Variants in FOXN3 observed in about 807,000 individuals in gnomAD.
FOXN3 encodes the protein forkhead box N3, also known as forkhead box protein N3.
Under a neutral mutation model 38.4 loss-of-function variants are expected in FOXN3, and 7 were observed. The observed-to-expected ratio is 0.18, with a 90% CI of 0.10 to 0.34. FOXN3 has a LOEUF of 0.34. Among genes scored for constraint, FOXN3 ranks in the 10% least tolerant of loss-of-function variants. FOXN3 has a pLI of 1.00. For synonymous variants in FOXN3, 230 were observed against 242.2 expected, an observed-to-expected ratio of 0.95 and a Z score of 0.47; for missense variants, 456 against 613.4, an observed-to-expected ratio of 0.74 and a Z score of 2.71.
At chr14:89,326,697 T>C (rs911777832) in intron 3 of FOXN3, among the ~76,000 whole-genome samples, 7 of 152,090 alleles carry the variant, frequency 4.6e-5, no homozygotes, top group South Asian at 2.1e-4. Flanking sequence ...ATAGTAAACA[T>C]TGCTGTCAAA....
chr14:89,219,168 G>A (rs779731060), intron 4 of FOXN3, among the ~76,000 whole-genome samples: 2 of 152,104 alleles, frequency 1.3e-5, no homozygotes, highest in Non-Finnish European at 2.9e-5. Context: ...GAGGTGGTGG[G>A]AGGTGACTGG....
At chr14:89,242,255 G>A (rs1310309728) in intron 4 of FOXN3, among the ~76,000 whole-genome samples, 1 of 152,042 alleles carries the variant, frequency 6.6e-6, no homozygotes, top group African/African-American at 2.4e-5. Flanking sequence ...TATTATACAT[G>A]CTTGGCCTTG....
chr14:89,257,863 C>A (rs1277449626), intron 4 of FOXN3, among the ~76,000 whole-genome samples: 1 of 152,156 alleles, frequency 6.6e-6, no homozygotes, highest in Admixed American at 6.5e-5. Flanking sequence ...AACCTCAGAG[C>A]AATGCAAAGC....
intron 1 of FOXN3, among the ~76,000 whole-genome samples, chr14:89,573,023 C>G (rs1167387546): frequency 6.6e-6 from 1 of 152,170 alleles, no homozygotes; most frequent in Admixed American, 6.5e-5. Flanking sequence ...GACCCTAGAG[C>G]AGGGCTGTGG....
intron 1 of FOXN3, among the ~76,000 whole-genome samples, chr14:89,436,289 T>TAA (rs77915176): frequency 2.5e-3 from 337 of 134,826 alleles, no homozygotes; most frequent in African/African-American, 7.1e-3. Context: ...GTTTATTCAT[T>TAA]AAAAAAAAAA....
At chr14:89,245,405 G>A (rs747540990) in intron 4 of FOXN3, among the ~76,000 whole-genome samples, 1 of 151,876 alleles carries the variant, frequency 6.6e-6, no homozygotes, top group Non-Finnish European at 1.5e-5. Context: ...GTTTGAAAAT[G>A]AGAAACATTT....
intron 1 of FOXN3, among the ~76,000 whole-genome samples, chr14:89,470,294 TA>T (rs11461203): frequency 0.64 from 95,154 of 148,088 alleles, 30,876 homozygotes; most frequent in Middle Eastern, 0.77. Flanking sequence ...TCTGACTTTC[TA>T]AAAAAAAAAA....
At chr14:89,530,908 C>T (rs1894548087) in intron 1 of FOXN3, among the ~76,000 whole-genome samples, 1 of 148,068 alleles carries the variant, frequency 6.8e-6, no homozygotes, top group South Asian at 2.1e-4. Context: ...CACGCCCGGC[C>T]TCTATTTTTT....
intron 1 of FOXN3, among the ~76,000 whole-genome samples, chr14:89,615,113 T>A (rs931029072): frequency 8.3e-6 from 1 of 120,176 alleles, no homozygotes; most frequent in Non-Finnish European, 1.7e-5. Context: ...ATCCCCAATT[T>A]CGATTTTTTT....
chr14:89,393,363 T>C (rs1891009928), intron 2 of FOXN3, among the ~76,000 whole-genome samples: 1 of 152,198 alleles, frequency 6.6e-6, no homozygotes, highest in Admixed American at 6.5e-5. Context: ...GTACCAGAGA[T>C]GAGAACTTCA....
intron 4 of FOXN3, among the ~76,000 whole-genome samples, chr14:89,260,066 G>A (rs1039124823): frequency 6.6e-6 from 1 of 152,032 alleles, no homozygotes; most frequent in African/African-American, 2.4e-5. Flanking sequence ...CCTCGTGTCG[G>A]GCAGTGTGAA....
chr14:89,475,271 G>A (rs1021479600), intron 1 of FOXN3, among the ~76,000 whole-genome samples: 8 of 152,126 alleles, frequency 5.3e-5, no homozygotes, highest in Non-Finnish European at 8.8e-5. Flanking sequence ...TTGTAACCAA[G>A]TATAATGTTG....
At chr14:89,223,495 G>A (rs1390524188) in intron 4 of FOXN3, among the ~76,000 whole-genome samples, 2 of 152,206 alleles carry the variant, frequency 1.3e-5, no homozygotes, top group Admixed American at 1.3e-4. Flanking sequence ...CTTCCTCAGG[G>A]CGAAGAAGAA....
chr14:89,388,467 C>T (rs1890851407), intron 2 of FOXN3, among the ~76,000 whole-genome samples: 1 of 152,136 alleles, frequency 6.6e-6, no homozygotes, highest in Non-Finnish European at 1.5e-5. Context: ...ATCAAGTTAT[C>T]AGGGTCAGCG....
intron 2 of FOXN3, among the ~76,000 whole-genome samples, chr14:89,358,129 T>C (rs929969641): frequency 1.3e-5 from 2 of 152,232 alleles, no homozygotes; most frequent in Non-Finnish European, 2.9e-5. Flanking sequence ...GTAGGTCACA[T>C]GGTCTCTGTT....
At chr14:89,546,116 A>G (rs932493790) in intron 1 of FOXN3, among the ~76,000 whole-genome samples, 13 of 152,294 alleles carry the variant, frequency 8.5e-5, no homozygotes, top group African/African-American at 3.1e-4. Flanking sequence ...CTATCTGATC[A>G]AACTGTTAGC....
At chr14:89,500,173 T>A (rs1893767158) in intron 1 of FOXN3, among the ~76,000 whole-genome samples, 1 of 152,132 alleles carries the variant, frequency 6.6e-6, no homozygotes, top group Non-Finnish European at 1.5e-5. Flanking sequence ...TTTTACACCA[T>A]GAATTTCATT....
chr14:89,334,006 A>ATATATATATATATGTATG (rs1555418840), intron 3 of FOXN3, among the ~76,000 whole-genome samples: 17 of 49,376 alleles, frequency 3.4e-4, no homozygotes, highest in African/African-American at 9.2e-4. Flanking sequence ...ATATATATAT[A>ATATATATATATATGTATG]TATGTATATA....
At chr14:89,305,999 T>C (rs938112022) in intron 3 of FOXN3, among the ~76,000 whole-genome samples, 18 of 152,328 alleles carry the variant, frequency 1.2e-4, no homozygotes, top group African/African-American at 4.1e-4. Flanking sequence ...AAAATACATA[T>C]ATATTTGCAA....
Sources: allele counts gnomAD v4.1 joint callset (sites outside exome capture counted in the v4.1 genomes callset), GRCh38; gene constraint gnomAD v4.1.1; transcripts MANE v1.5; gene names NCBI Gene and HGNC (gene_info 2026-07-23, HGNC 2026-07-21).